CNTNAP2: variants seen among roughly 807,000 people sequenced by gnomAD.
CNTNAP2 encodes contactin associated protein 2.
In CNTNAP2, 98 loss-of-function variants were observed where a neutral mutation model predicts 155.2. The ratio of observed to expected loss-of-function variants is 0.63; its 90% CI spans 0.54 to 0.75. The LOEUF (loss-of-function observed/expected upper bound fraction) is 0.75. CNTNAP2 is among the 30% of genes least tolerant of loss of function. The probability of loss-of-function intolerance (pLI) is 0.00; values close to 1 mark genes in which losing one functional copy is unlikely to be tolerated. For missense variants in CNTNAP2, 1,727 were observed against 1,688.1 expected (o/e 1.02, Z -0.40); for synonymous variants, 651 against 631.2 (o/e 1.03, Z -0.47).
chr7:148,353,981 T>C (rs527451991), intron 21 of CNTNAP2, among the ~76,000 whole-genome samples: 16 of 152,322 alleles, frequency 1.1e-4, no homozygotes, highest in African/African-American at 3.8e-4. Context: ...TCATCGAACG[T>C]TTCCTATACT....
chr7:146,857,664 G>C (rs947530926), intron 3 of CNTNAP2, among the ~76,000 whole-genome samples: 2 of 152,162 alleles, frequency 1.3e-5, no homozygotes, highest in African/African-American at 4.8e-5. Flanking sequence ...TGAGGGACGA[G>C]AGAGCCTCCA....
At chr7:146,941,440 A>G (rs1380283281) in intron 3 of CNTNAP2, among the ~76,000 whole-genome samples, 1 of 152,150 alleles carries the variant, frequency 6.6e-6, no homozygotes, top group East Asian at 1.9e-4. Flanking sequence ...TTTATATTGG[A>G]TAATCCTTAA....
intron 1 of CNTNAP2, among the ~76,000 whole-genome samples, chr7:146,651,492 G>C (rs1433264090): frequency 1.3e-5 from 2 of 152,138 alleles, no homozygotes; most frequent in Non-Finnish European, 2.9e-5. Flanking sequence ...GTTATTGATA[G>C]TATAAACTGG....
intron 1 of CNTNAP2, among the ~76,000 whole-genome samples, chr7:146,324,006 T>C (rs577867964): frequency 9.8e-5 from 15 of 152,298 alleles, no homozygotes; most frequent in Admixed American, 2.0e-4. Flanking sequence ...ACATTTCTCT[T>C]ATAAGGACTG....
intron 13 of CNTNAP2, among the ~76,000 whole-genome samples, chr7:147,731,107 G>A (rs1584924975): frequency 6.6e-6 from 1 of 152,126 alleles, no homozygotes; most frequent in Non-Finnish European, 1.5e-5. Context: ...AGTGCAAGGT[G>A]AAACAGCAAA....
chr7:146,831,424 T>C (rs1803508218), intron 2 of CNTNAP2, among the ~76,000 whole-genome samples: 1 of 152,064 alleles, frequency 6.6e-6, no homozygotes, highest in South Asian at 2.1e-4. Flanking sequence ...CAGCCTGTAA[T>C]CTCTGCACTT....
chr7:146,856,316 A>G (rs1794986291), intron 3 of CNTNAP2, among the ~76,000 whole-genome samples: 1 of 151,782 alleles, frequency 6.6e-6, no homozygotes, highest in Admixed American at 6.6e-5. Flanking sequence ...ATACATACAT[A>G]CATACATACA....
chr7:148,188,984 G>C (rs1286841073), intron 18 of CNTNAP2, among the ~76,000 whole-genome samples: 1 of 152,102 alleles, frequency 6.6e-6, no homozygotes, highest in African/African-American at 2.4e-5. Flanking sequence ...TGCAGTAAAT[G>C]ATTTTTGCAA....
intron 1 of CNTNAP2, among the ~76,000 whole-genome samples, chr7:146,282,241 C>T (rs1268747683): frequency 6.6e-6 from 1 of 152,162 alleles, no homozygotes; most frequent in African/African-American, 2.4e-5. Flanking sequence ...TCTGACCGGA[C>T]GTTTGTATCT....
At chr7:146,207,007 T>G (rs780139694) in intron 1 of CNTNAP2, among the ~76,000 whole-genome samples, 2 of 151,986 alleles carry the variant, frequency 1.3e-5, no homozygotes, top group Non-Finnish European at 2.9e-5. Context: ...GGTAATGATA[T>G]CAAGGTAAGA....
chr7:147,293,578 G>A (rs182879693), intron 8 of CNTNAP2, among the ~76,000 whole-genome samples: 1 of 152,188 alleles, frequency 6.6e-6, no homozygotes, highest in Admixed American at 6.5e-5. Context: ...TCACAAGACT[G>A]AAAACTCCAG....
intron 10 of CNTNAP2, among the ~76,000 whole-genome samples, chr7:147,408,856 T>C (rs1200459559): frequency 6.6e-6 from 1 of 152,098 alleles, no homozygotes; most frequent in Non-Finnish European, 1.5e-5. Flanking sequence ...GAAAATCAAG[T>C]TTTGCATGAC....
At chr7:147,860,533 T>C (rs1462949647) in intron 13 of CNTNAP2, among the ~76,000 whole-genome samples, 2 of 146,880 alleles carry the variant, frequency 1.4e-5, no homozygotes, top group African/African-American at 5.0e-5. Flanking sequence ...GAGGTTGTGG[T>C]GAGCCGAGAT....
chr7:147,823,524 C>A (rs1479395484), intron 13 of CNTNAP2, among the ~76,000 whole-genome samples: 3 of 151,980 alleles, frequency 2.0e-5, no homozygotes, highest in Admixed American at 6.6e-5. Context: ...AGACACGCGC[C>A]CTGAAAAAAC....
At chr7:147,269,388 A>G (rs1380658033) in intron 8 of CNTNAP2, among the ~76,000 whole-genome samples, 6 of 152,176 alleles carry the variant, frequency 3.9e-5, no homozygotes, top group Non-Finnish European at 7.3e-5. Flanking sequence ...CACCCACTCA[A>G]CATAACCATG....
chr7:147,873,162 TAACAC>T (rs1467453666), intron 13 of CNTNAP2, among the ~76,000 whole-genome samples: 2 of 152,206 alleles, frequency 1.3e-5, no homozygotes, highest in Non-Finnish European at 2.9e-5. Flanking sequence ...CTAAAATTAG[TAACAC>T]TAACTGGACT....
At chr7:147,052,068 C>T (rs1471938075) in intron 4 of CNTNAP2, among the ~76,000 whole-genome samples, 2 of 152,098 alleles carry the variant, frequency 1.3e-5, no homozygotes, top group Non-Finnish European at 2.9e-5. Context: ...ACCAAAATAG[C>T]CTCTCCATCA....
intron 1 of CNTNAP2, among the ~76,000 whole-genome samples, chr7:146,395,786 TAGATAGATAGATA>T (rs1795612533): frequency 6.6e-5 from 6 of 91,340 alleles, no homozygotes; most frequent in South Asian, 5.8e-4. Flanking sequence ...AGATGATAGA[TAGATAGATAGATA>T]GATAGATAGA....
At chr7:148,268,335 G>C (rs553731772) in intron 21 of CNTNAP2, among the ~76,000 whole-genome samples, 2 of 152,114 alleles carry the variant, frequency 1.3e-5, no homozygotes, top group South Asian at 4.2e-4. Context: ...ACAAAATGAG[G>C]AGTGAGTAGG....
Sources: gnomAD v4.1 joint callset for allele counts (sites outside exome capture counted in the v4.1 genomes callset) on GRCh38, gnomAD v4.1.1 for gene constraint, MANE v1.5 for transcripts, NCBI Gene and HGNC (gene_info 2026-07-23, HGNC 2026-07-21) for gene names.